Variants in MAU2 observed in about 807,000 individuals in gnomAD.
MAU2 encodes the protein MAU2 chromatid cohesion factor homolog.
Under a neutral mutation model 89.1 loss-of-function variants are expected in MAU2, and 9 were observed. That is an observed-to-expected ratio of 0.10 (90% confidence interval 0.06 to 0.18). The LOEUF is 0.18. MAU2 is among the 10% of genes least tolerant of loss of function. MAU2 has a pLI of 1.00. For synonymous variants in MAU2, 357 were observed against 343.4 expected (o/e 1.04, Z -0.44); for missense variants, 425 against 803.5 (o/e 0.53, Z 5.69).
intron 1 of MAU2, among the ~76,000 whole-genome samples, chr19:19,331,204 TAAA>T (rs199942794): frequency 7.0e-6 from 1 of 142,990 alleles, no homozygotes. Flanking sequence ...ATTACAAAGT[TAAA>T]AAAAAAAAAC....
Position 19,341,199 on chromosome 19 carries a change from T to A in MAU2, c.580-53T>A, listed in dbSNP as rs1464650959. 3 of 1,569,930 alleles carry A rather than the reference T, an allele frequency of 1.9e-6. No individual in the cohort carries two copies. In the African/African-American group the frequency reaches 4.0e-5, roughly 21 times the overall value. ...GCAGGTGACCCTGTGCTCCCGGTCC[T>A]GGGAGGGCCCCTGCAAGCCCTGTAC... On this transcript the variant is annotated intron_variant, in intron 6 of 18. Transcript: ENST00000262815.
At chr19:19,324,487 C>T (rs1279653787) in intron 1 of MAU2, among the ~76,000 whole-genome samples, 1 of 152,174 alleles carries the variant, frequency 6.6e-6, no homozygotes, top group African/African-American at 2.4e-5. Flanking sequence ...GAACAACTCC[C>T]ACCACCTGCC....
At chr19:19,350,625 G>C (rs892467525) in intron 16 of MAU2, among the ~76,000 whole-genome samples, 2 of 151,328 alleles carry the variant, frequency 1.3e-5, no homozygotes, top group Admixed American at 6.6e-5. Flanking sequence ...AAAAGGCCGG[G>C]CATGGTGGCT....
intron 13 of MAU2, 70 bp from the exon 14 acceptor site, chr19:19,348,819 T>C: frequency 6.6e-7 from 1 of 1,510,982 alleles, no homozygotes; most frequent in Non-Finnish European, 9.2e-7. Context: ...TCCCATGCAC[T>C]GCAGTGTGTC....
intron 4 of MAU2, among the ~76,000 whole-genome samples, chr19:19,338,595 A>G (rs1218595836): frequency 1.3e-5 from 2 of 152,220 alleles, no homozygotes; most frequent in African/African-American, 2.4e-5. Flanking sequence ...TCTATGCTCC[A>G]TTAAGTTTAG....
In MAU2 at chr19:19,342,583, A is replaced by G. The variant is rs748196239; in HGVS notation, c.784A>G (p.Thr262Ala). 4 of 1,611,674 alleles carry G rather than the reference A, an allele frequency of 2.5e-6. No individual in the cohort carries two copies. In the African/African-American group the frequency reaches 5.3e-5, roughly 22 times the overall value. ...GAAGCAGCTGCAGCAGTGCATCCAG[A>G]CCATCTCCACACTGCACGATGATGA... is the stretch of plus-strand genomic sequence containing the variant. ...CLKQLQQCIQ[T>A]ISTLHDDEIL... Residue 262 changes from threonine to alanine, a missense_variant, in exon 8 of 19, where the codon ACC becomes GCC. By Grantham distance (58) the Thr-to-Ala change is moderately conservative (BLOSUM62 0). Around this residue, in one of 11 missense-constraint regions of MAU2, gnomAD observed 119 missense variants for 299.8 expected, o/e 0.40. Transcript: ENST00000262815.
chr19:19,338,334 T>C (rs564324568), intron 4 of MAU2, among the ~76,000 whole-genome samples: 2 of 152,360 alleles, frequency 1.3e-5, no homozygotes, highest in East Asian at 3.9e-4. Flanking sequence ...GCAGGCACCA[T>C]GTGCACGCAC....
In MAU2 at chr19:19,334,282, C is replaced by G. The variant is rs2061579006; in HGVS notation, c.277-1436C>G. The G allele has an allele frequency of 3.0e-6, 3 of 985,384 alleles. No homozygotes were observed. The Admixed American group carries it at 1.8e-4, about 61-fold the overall frequency. The allele number at this position is 985,384 out of a possible 1,614,324, so 61.0% of individuals were successfully genotyped here. On this transcript the variant is annotated intron_variant, in intron 1 of 18. Transcript: ENST00000262815. Reference sequence around the variant, plus strand: ...TCCTGTCCGTGCCACAAGAGGGGACCACAGGAGGCAGACGCTTGGGCTGGC... The same window carrying G: ...TCCTGTCCGTGCCACAAGAGGGGACGACAGGAGGCAGACGCTTGGGCTGGC...
chr19:19,349,083 G>T, intron 14 of MAU2, 72 bp from the exon 15 acceptor site: 1 of 1,579,584 alleles, frequency 6.3e-7, no homozygotes, highest in Non-Finnish European at 8.7e-7. Flanking sequence ...ATAGCCCCCA[G>T]CTGCCCACTG....
intron 1 of MAU2, among the ~76,000 whole-genome samples, chr19:19,326,691 A>ATATATACGTATATATATATATATACGTAT (rs1555792830): frequency 9.1e-6 from 1 of 109,448 alleles, no homozygotes; most frequent in African/African-American, 3.1e-5. Context: ...CTCAAAAAAA[A>ATATATACGTATATATATATATATACGTAT]ATATATATAT....
At chr19:19,322,532 C>T (rs962973601) in intron 1 of MAU2, among the ~76,000 whole-genome samples, 6 of 152,112 alleles carry the variant, frequency 3.9e-5, no homozygotes, top group African/African-American at 1.4e-4. Context: ...CCCGGGAGGT[C>T]GTGGCTGCAG....
At chr19:19,348,844 C>G in intron 13 of MAU2, 45 bp from the exon 14 acceptor site, 1 of 1,605,176 alleles carries the variant, frequency 6.2e-7, no homozygotes. Context: ...GGACCTTTCT[C>G]CTGTGAAGAT....
chr19:19,348,943 G>A lies in MAU2; in HGVS notation c.1358+5G>A, dbSNP rs779933980. 5 of 1,613,204 alleles carry A rather than the reference G, an allele frequency of 3.1e-6. No homozygotes were observed. The highest frequency in any genetic ancestry group is 4.2e-6 in the Non-Finnish European group (5 of 1,179,714). ...GGACCACAGCTTCCCTGTCAGGTGA[G>A]CCGCTCCAGGCACCACTCCACGCAC... is the stretch of plus-strand genomic sequence containing the variant. On this transcript the variant is annotated splice_donor_5th_base_variant and intron_variant, in intron 14 of 18. Coordinates refer to ENST00000262815, the MANE Select transcript of MAU2 (RefSeq NM_015329.4).
chr19:19,347,554 C>T (rs1226637973), intron 13 of MAU2, 188 bp downstream of exon 13: 9 of 571,374 alleles, frequency 1.6e-5, no homozygotes, highest in Admixed American at 3.1e-5. Flanking sequence ...CCGGGGGAGG[C>T]CAGGTCTGGG....
rs376100898 is a variant in MAU2 at position 19,355,785 on chromosome 19, C to A, written c.*3C>A. 2 of 1,605,952 alleles carry A rather than the reference C, an allele frequency of 1.2e-6. No individual in the cohort carries two copies. Among genetic ancestry groups the A allele is most frequent in the African/African-American group, 1.3e-5 (1 of 75,068 alleles). On this transcript the variant is annotated 3_prime_UTR_variant, in exon 19 of 19. Transcript: ENST00000262815. ...CCAGCCTGGCCAGCCTCCTGTGAGG[C>A]CTTGATGGGGCCATCCAGCTCCGCA...
chr19:19,347,946 C>G (rs2061709218), intron 13 of MAU2: 1 of 151,980 alleles, frequency 6.6e-6, no homozygotes, highest in Non-Finnish European at 1.5e-5. Context: ...CCTCCTCAGC[C>G]CTGGGATCCC....
intron 12 of MAU2, chr19:19,346,982 G>C (rs1463389647): frequency 2.9e-6 from 1 of 350,526 alleles, no homozygotes; most frequent in African/African-American, 2.1e-5. Flanking sequence ...CCAGGTCTCA[G>C]TCCTGAGAGA....
At chr19:19,323,696 A>G (rs554418464) in intron 1 of MAU2, among the ~76,000 whole-genome samples, 2 of 151,798 alleles carry the variant, frequency 1.3e-5, no homozygotes, top group African/African-American at 2.4e-5. Flanking sequence ...TTGTAAAGAC[A>G]AGGGCTTGAA....
intron 1 of MAU2, chr19:19,321,994 C>T (rs2061462098): frequency 1.4e-5 from 2 of 145,874 alleles, no homozygotes; most frequent in Non-Finnish European, 3.0e-5. Context: ...CTTTAGTAAA[C>T]TTTCTTTTTT....
Sources: allele counts gnomAD v4.1 joint callset (sites outside exome capture counted in the v4.1 genomes callset), GRCh38; gene constraint gnomAD v4.1.1; regional missense constraint gnomAD v4.1.1; transcripts MANE v1.5; gene names NCBI Gene and HGNC (gene_info 2026-07-23, HGNC 2026-07-21).